Variants in TEP1 observed in about 807,000 individuals in gnomAD.
The protein encoded by TEP1 is telomerase protein component 1.
Under a neutral mutation model 306.3 loss-of-function variants are expected in TEP1, and 241 were observed. The ratio of observed to expected loss-of-function variants is 0.79; its 90% CI spans 0.71 to 0.88. The LOEUF (loss-of-function observed/expected upper bound fraction) is 0.88, where lower values mean the gene tolerates loss of function less well. TEP1 is among the 40% of genes least tolerant of loss of function. The pLI, the probability that TEP1 is intolerant of heterozygous loss-of-function variation, is 0.00. For missense variants in TEP1, 3,051 were observed against 3,276.1 expected, an observed-to-expected ratio of 0.93 and a Z score of 1.68; for synonymous variants, 1,289 against 1,305.5, an observed-to-expected ratio of 0.99 and a Z score of 0.27.
In TEP1 at chr14:20,381,356, C is replaced by T. The variant is rs200871389; in HGVS notation, c.4604G>A (p.Arg1535Gln). ...TCDADASGTF[R>Q]SCPPEALGDL... ...TCCCAGAGCCTCAGGAGGGCAACTT[C>T]GGAAGGTGCCTGAGGCATCAGCGTC... is the stretch of plus-strand genomic sequence containing the variant. Residue 1535 changes from arginine (R) to glutamine (Q), a missense_variant, in exon 32 of 55, where the codon CGA becomes CAA. Physicochemically the swap from Arg to Gln is conservative, Grantham distance 43. Coordinates refer to ENST00000262715, the MANE Select transcript of TEP1 (RefSeq NM_007110.5). This position sits in a 1 kb window ranked among gnomAD's most constrained non-coding sequence, Gnocchi z 4.0. 3.0e-5 allele frequency: 48 copies of T among 1,614,164 alleles called. No individual in the cohort carries two copies. The highest frequency in any genetic ancestry group is 1.3e-4 in the East Asian group (6 of 44,878).
chr14:20,378,735 T>G lies in TEP1; in HGVS notation c.5352+19A>C. 1 of 1,613,100 alleles carries G rather than the reference T, an allele frequency of 6.2e-7. No homozygotes were observed. The highest frequency in any genetic ancestry group is 2.2e-5 in the East Asian group (1 of 44,868). ...CATGGCTCAGGGCCACTCTGACCACTGCAGACCCCAAGTCTTACCTTTAGG... is the reference window on the plus strand; with the variant it reads ...CATGGCTCAGGGCCACTCTGACCACGGCAGACCCCAAGTCTTACCTTTAGG... On this transcript the variant is annotated intron_variant, in intron 37 of 54. Coordinates refer to ENST00000262715, the MANE Select transcript of TEP1 (RefSeq NM_007110.5).
In TEP1 at chr14:20,405,515, G is replaced by A. The variant is rs781170935; in HGVS notation, c.806C>T (p.Thr269Ile). Residue 269 changes from threonine (T) to isoleucine (I), a missense_variant, in exon 4 of 55, where the codon ACC (threonine) becomes ATC (isoleucine). By Grantham distance (89) the Thr-to-Ile change is moderately conservative. Around this residue, in one of 3 missense-constraint regions of TEP1, gnomAD observed 1,507 missense variants for 1,550.5 expected, o/e 0.97. Transcript: ENST00000262715. ...ACAGATTTCAAAAATGGCAGCCAGG[G>A]TGGGGTCAGATGTATTGTTCATGTT... ...EVNMNNTSDP[T>I]LAAIFEICRE... 3.7e-6 allele frequency: 6 copies of A among 1,614,188 alleles called. No homozygotes were observed. Among genetic ancestry groups the A allele is most frequent in the East Asian group, 2.2e-5 (1 of 44,890 alleles).
rs148696839 is a variant in TEP1, at chr14:20,382,712, G to C, written c.4051C>G (p.Arg1351Gly). Reference protein sequence around the residue: ...LEESPFNNQMRLLLVKRESGR... With the variant: ...LEESPFNNQMGLLLVKRESGR... ...GATTCCCGCTTCACCAGCAGCAGTC[G>C]CATCTGGCAAGACTCAGGACTCAGG... is the stretch of plus-strand genomic sequence containing the variant. Residue 1351 changes from arginine to glycine, a missense_variant, in exon 28 of 55, where the codon CGA becomes GGA. Arg to Gly is a moderately radical substitution (Grantham distance 125, BLOSUM62 -2). Coordinates refer to ENST00000262715, the MANE Select transcript of TEP1 (RefSeq NM_007110.5). The C allele has an allele frequency of 3.1e-6, 5 of 1,613,864 alleles. No homozygotes were observed. Among genetic ancestry groups the C allele is most frequent in the African/African-American group, 2.7e-5 (2 of 74,904 alleles).
intron 18 of TEP1, 51 bp from the exon 19 acceptor site, chr14:20,386,674 C>T (rs536224724): frequency 1.3e-6 from 2 of 1,501,354 alleles, no homozygotes; most frequent in Non-Finnish European, 1.8e-6. Context: ...TCCCACCCCC[C>T]ATCCATAGAC....
intron 3 of TEP1, 96 bp downstream of exon 3, chr14:20,406,137 C>T: frequency 1.4e-5 from 17 of 1,213,652 alleles, no homozygotes; most frequent in African/African-American, 3.0e-5. Flanking sequence ...TCCCTACCTT[C>T]CCCTTCCAAC....
At chr14:20,373,948 T>G in intron 44 of TEP1, 138 bp from the exon 45 acceptor site, 1 of 1,207,788 alleles carries the variant, frequency 8.3e-7, no homozygotes, top group East Asian at 2.5e-5. Context: ...ACAGTGGGGT[T>G]GGGTGGCTCA....
rs149869458 is a variant in TEP1, at chr14:20,376,181, G to T, written c.6172C>A (p.Arg2058=). 1 of 1,614,160 alleles carries T rather than the reference G, an allele frequency of 6.2e-7. No individual in the cohort carries two copies. Among genetic ancestry groups the T allele is most frequent in the East Asian group, 2.2e-5 (1 of 44,878 alleles). ...AEDFPCGTEL[R]GHEGPVSCCS... ...CAGCTCACAGGGCCCTCATGTCCCC[G>T]CAGCTCAGTGCCACAGGGAAAGTCT... The change falls in exon 42 of 55, where the codon CGG becomes AGG. Residue 2058 remains arginine (R), a synonymous_variant. Coordinates refer to ENST00000262715, the MANE Select transcript of TEP1 (RefSeq NM_007110.5).
intron 8 of TEP1, 24 bp from the exon 9 acceptor site, chr14:20,401,165 C>G: frequency 6.2e-7 from 1 of 1,612,110 alleles, no homozygotes; most frequent in Non-Finnish European, 8.5e-7. Context: ...AGAAAGAGGT[C>G]TATCATTTCA....
At chr14:20,383,987 T>A (rs1357189096) in intron 24 of TEP1, 51 bp downstream of exon 24, 12 of 1,585,402 alleles carry the variant, frequency 7.6e-6, no homozygotes, top group Non-Finnish European at 1.0e-5. Context: ...CTTACCTCCT[T>A]AGCCCACACA....
Position 20,384,651 on chromosome 14 carries a change from A to T in TEP1, c.3170T>A (p.Ile1057Asn). The stretch of plus-strand genomic sequence containing the variant: ...GCTTAGGTAGCTCTTCAGTTCTGAG[A>T]TCCGACGTGCGGCCTCTTCAGACTC... ...VSESEEAARR[I>N]SELKSYLSRQ... Residue 1057 changes from isoleucine (I) to asparagine (N), a missense_variant, in exon 22 of 55, where the codon ATC becomes AAC. Around this residue, in one of 3 missense-constraint regions of TEP1, gnomAD observed 1,507 missense variants for 1,550.5 expected, o/e 0.97. Transcript: ENST00000262715. 1 of 1,613,938 alleles carries T rather than the reference A, an allele frequency of 6.2e-7. No individual in the cohort carries two copies. Among genetic ancestry groups the T allele is most frequent in the Non-Finnish European group, 8.5e-7 (1 of 1,180,030 alleles).
At chr14:20,390,003 C>T (rs1877554712) in intron 15 of TEP1, among the ~76,000 whole-genome samples, 1 of 152,120 alleles carries the variant, frequency 6.6e-6, no homozygotes, top group South Asian at 2.1e-4. Flanking sequence ...AGTTTGTGGG[C>T]AGTTGTTAAA....
At chr14:20,380,864 G>T in intron 33 of TEP1, 67 bp downstream of exon 33, 1 of 1,356,260 alleles carries the variant, frequency 7.4e-7, no homozygotes, top group Non-Finnish European at 1.1e-6. Context: ...ACCCTGAGCA[G>T]GGCCCCCATA....
rs1425706472 is a variant in TEP1 at position 20,367,744 on chromosome 14, G to T, written c.*693C>A. ...CTGCCTCAGCCTCCCAAGTAGCTGG[G>T]ACTACAGGTGCCCGCCGCCACACCT... On this transcript the variant is annotated 3_prime_UTR_variant, in exon 55 of 55. Transcript: ENST00000262715. 1 of 152,282 alleles carries T rather than the reference G, an allele frequency of 6.6e-6. No individual in the cohort carries two copies. The highest frequency in any genetic ancestry group is 1.5e-5 in the Non-Finnish European group (1 of 68,284). The allele number at this position is 152,282 out of a possible 1,614,324, so 9.4% of individuals were successfully genotyped here. A position where few individuals can be genotyped will look rare whatever the true frequency, so the allele number is the denominator to read the frequency against.
chr14:20,380,000 G>A lies in TEP1; in HGVS notation c.5057C>T (p.Thr1686Ile), dbSNP rs971544728. The A allele has an allele frequency of 6.8e-6, 11 of 1,614,046 alleles. No homozygotes were observed. In the African/African-American group the frequency reaches 8.0e-5, roughly 12 times the overall value. The stretch of plus-strand genomic sequence containing the variant: ...GCCCACAGCTGCTCTTTGCCCATTG[G>A]TGGAGAAGGCCACAGCAGTAGGGGA... Reference protein sequence around the residue: ...SSSPTAVAFSTNGQRAAVGTA... With the variant: ...SSSPTAVAFSINGQRAAVGTA... The change falls in exon 35 of 55, where the codon ACC becomes ATC. Residue 1686 changes from threonine to isoleucine, a missense_variant. This residue lies in a region of TEP1 where 1,540 missense variants were observed against 1,705.9 expected (regional missense o/e 0.90). Transcript: ENST00000262715.
intron 9 of TEP1, among the ~76,000 whole-genome samples, chr14:20,397,616 T>C (rs1878311620): frequency 1.3e-5 from 2 of 152,244 alleles, no homozygotes; most frequent in African/African-American, 4.8e-5. Flanking sequence ...ATTTCTTCTA[T>C]TTGATTAGTC....
rs577930460 is a variant in TEP1, at chr14:20,390,738, T to C, written c.2277A>G (p.Gly759=). ...ATTTCCCAAAAGTATTCAGGGACCA[T>C]CCATCATTTTCATCAAACTCCTGAA... is the stretch of plus-strand genomic sequence containing the variant. ...AQVQEFDEND[G]WSLNTFGKYL... The change falls in exon 15 of 55, where the codon GGA becomes GGG. Residue 759 remains glycine, a synonymous_variant. Transcript: ENST00000262715. 23 of 1,614,104 alleles carry C rather than the reference T, an allele frequency of 1.4e-5. No individual in the cohort carries two copies. The highest frequency in any genetic ancestry group is 1.7e-5 in the Non-Finnish European group (20 of 1,180,052).
At chr14:20,396,849 C>A (rs4982042) in intron 9 of TEP1, 119 bp from the exon 10 acceptor site, 8 of 614,040 alleles carry the variant, frequency 1.3e-5, no homozygotes, top group African/African-American at 9.3e-5. Flanking sequence ...AGCCCAGAAC[C>A]CAGGAATTAG....
chr14:20,412,007 T>C (rs1248070102), intron 1 of TEP1, among the ~76,000 whole-genome samples: 1 of 152,146 alleles, frequency 6.6e-6, no homozygotes, highest in African/African-American at 2.4e-5. Context: ...CTCATTCATA[T>C]GTAAATATTT....
chr14:20,377,215 T>TAA (rs371616341), intron 41 of TEP1, 65 bp downstream of exon 41: 1,420 of 1,125,546 alleles, frequency 1.3e-3, no homozygotes, highest in African/African-American at 1.4e-3. Flanking sequence ...AGCTCTGTCT[T>TAA]AAAAAAAAAA....
Sources: gnomAD v4.1 joint callset for allele counts (sites outside exome capture counted in the v4.1 genomes callset) on GRCh38, gnomAD v4.1.1 for gene constraint, gnomAD v4.1.1 regional missense constraint, Gnocchi (gnomAD v3.1) non-coding constraint, MANE v1.5 for transcripts, NCBI Gene and HGNC (gene_info 2026-07-23, HGNC 2026-07-21) for gene names.